The following HS3ST4 variants were observed in gnomAD, a reference collection of about 807,000 sequenced individuals.
HS3ST4 encodes heparan sulfate-glucosamine 3-sulfotransferase 4.
HS3ST4 carries 17 observed loss-of-function variants against 29.2 expected under a neutral mutation model. The observed-to-expected ratio is 0.58, with a 90% CI of 0.40 to 0.87. The LOEUF is 0.87. HS3ST4 is among the 40% of genes least tolerant of loss of function. HS3ST4 has a pLI of 0.00. For synonymous variants in HS3ST4, 314 were observed against 285.7 expected (o/e 1.10, Z -1.00); for missense variants, 627 against 634.5 (o/e 0.99, Z 0.13).
chr16:25,719,101 AC>A (rs1198234748), intron 1 of HS3ST4, among the ~76,000 whole-genome samples: 1 of 152,216 alleles, frequency 6.6e-6, no homozygotes, highest in African/African-American at 2.4e-5. Flanking sequence ...GAAAGAGTTG[AC>A]TTTTTAAAGA....
At chr16:25,841,806 A>G (rs4467081) in intron 1 of HS3ST4, among the ~76,000 whole-genome samples, 87,437 of 151,994 alleles carry the variant, frequency 0.58, 25,234 homozygotes, top group Admixed American at 0.63. Flanking sequence ...CTATTGCTTC[A>G]ATATGTTTTC....
intron 1 of HS3ST4, among the ~76,000 whole-genome samples, chr16:25,878,972 A>G (rs1967864792): frequency 6.6e-6 from 1 of 152,128 alleles, no homozygotes; most frequent in Admixed American, 6.5e-5. Context: ...TCAGGAAAAA[A>G]CAGTTTCCTA....
At chr16:25,929,981 T>G (rs539640955) in intron 1 of HS3ST4, among the ~76,000 whole-genome samples, 28 of 152,084 alleles carry the variant, frequency 1.8e-4, no homozygotes, top group Non-Finnish European at 2.9e-4. Context: ...TAGGCCCCAT[T>G]GTCTGTTATT....
At position 26,085,366 on chromosome 16, in the gene HS3ST4, G is replaced by A. The variant is rs531855513; in HGVS notation, c.735-50246G>A. Reference sequence around the variant, plus strand: ...CTATTACATACCAGGCCCTGTATAGGGATCCAGAGATCCAGCAGTATCATA... The same window carrying A: ...CTATTACATACCAGGCCCTGTATAGAGATCCAGAGATCCAGCAGTATCATA... On this transcript the variant is annotated intron_variant, in intron 1 of 1. Transcript: ENST00000331351. 3.3e-5 allele frequency among the ~76,000 whole-genome samples: 5 copies of A among 152,196 alleles called. No homozygotes were observed. The South Asian group carries it at 1.0e-3, about 32-fold the overall frequency.
chr16:25,830,745 T>C (rs1393583373), intron 1 of HS3ST4, among the ~76,000 whole-genome samples: 1 of 152,026 alleles, frequency 6.6e-6, no homozygotes, highest in Non-Finnish European at 1.5e-5. Context: ...CTGTCAGCTC[T>C]ATCCCCAATT....
At chr16:25,700,383 C>T (rs1304555131) in intron 1 of HS3ST4, among the ~76,000 whole-genome samples, 1 of 152,178 alleles carries the variant, frequency 6.6e-6, no homozygotes, top group Admixed American at 6.5e-5. Flanking sequence ...GCCTTTCGTG[C>T]TTCTGCAGAA....
chr16:25,857,958 T>G lies in HS3ST4; in HGVS notation c.734+164807T>G, dbSNP rs1159138044. On this transcript the variant is annotated intron_variant, in intron 1 of 1. Transcript: ENST00000331351. ...TTTCTTTCTTTCTTTCTTTCTTTCTTTCTTTCTTTCTTTCTCTTTTCTGTC... is the reference window on the plus strand; with the variant it reads ...TTTCTTTCTTTCTTTCTTTCTTTCTGTCTTTCTTTCTTTCTCTTTTCTGTC... Among the ~76,000 whole-genome samples, 38 of 57,760 alleles carry G rather than the reference T, an allele frequency of 6.6e-4. 2 individuals are homozygous for G. Among genetic ancestry groups the G allele is most frequent in the African/African-American group, 3.4e-3 (37 of 10,954 alleles). 37.9% of individuals were successfully genotyped at this position (57,760 alleles called of 152,430 possible). A position where few individuals can be genotyped will look rare whatever the true frequency, so the allele number is the denominator to read the frequency against.
intron 1 of HS3ST4, among the ~76,000 whole-genome samples, chr16:25,698,351 GGGAACA>G (rs1468385374): frequency 6.8e-6 from 1 of 147,100 alleles, no homozygotes; most frequent in Non-Finnish European, 1.5e-5. Flanking sequence ...TCCACTTGGA[GGGAACA>G]GCCAGTGTCA....
At chr16:25,892,774 TC>T (rs1449675184) in intron 1 of HS3ST4, among the ~76,000 whole-genome samples, 1 of 152,112 alleles carries the variant, frequency 6.6e-6, no homozygotes, top group African/African-American at 2.4e-5. Context: ...AGGGAATAAA[TC>T]TATTCCCTTC....
chr16:25,939,092 G>A (rs1233200454), intron 1 of HS3ST4, among the ~76,000 whole-genome samples: 1 of 151,990 alleles, frequency 6.6e-6, no homozygotes, highest in Non-Finnish European at 1.5e-5. Context: ...TTAATTGTTT[G>A]GCTGGTAGTT....
chr16:25,936,710 G>A (rs557987936), intron 1 of HS3ST4, among the ~76,000 whole-genome samples: 109 of 152,350 alleles, frequency 7.2e-4, no homozygotes, highest in African/African-American at 2.4e-3. Flanking sequence ...AATAAGGCTG[G>A]TCCTGGCCCT....
chr16:26,130,938 T>C (rs929653350), intron 1 of HS3ST4, among the ~76,000 whole-genome samples: 1 of 152,156 alleles, frequency 6.6e-6, no homozygotes, highest in African/African-American at 2.4e-5. Context: ...ATATTACAAG[T>C]CTGAAATTGA....
intron 1 of HS3ST4, among the ~76,000 whole-genome samples, chr16:25,962,591 G>T (rs1968806040): frequency 1.3e-5 from 2 of 152,202 alleles, no homozygotes; most frequent in Admixed American, 6.5e-5. Context: ...CATTTTTCCG[G>T]GGTGGCTCTC....
At chr16:26,086,209 G>C (rs62034544) in intron 1 of HS3ST4, among the ~76,000 whole-genome samples, 1,865 of 151,944 alleles carry the variant, frequency 0.012, 13 homozygotes, top group Middle Eastern at 0.031. Flanking sequence ...TAGCCCTCTT[G>C]TTCTTTTTTA....
intron 1 of HS3ST4, among the ~76,000 whole-genome samples, chr16:26,008,002 G>A (rs963973746): frequency 6.6e-6 from 1 of 151,820 alleles, no homozygotes; most frequent in Non-Finnish European, 1.5e-5. Flanking sequence ...CTAGGTTCTA[G>A]TATAAGGGAG....
At chr16:25,770,230 C>T (rs933294743) in intron 1 of HS3ST4, among the ~76,000 whole-genome samples, 1 of 152,188 alleles carries the variant, frequency 6.6e-6, no homozygotes, top group South Asian at 2.1e-4. Context: ...AGTTCCTGCT[C>T]CTCCACTATG....
chr16:26,013,649 C>T (rs1317171862), intron 1 of HS3ST4, among the ~76,000 whole-genome samples: 1 of 152,154 alleles, frequency 6.6e-6, no homozygotes, highest in Non-Finnish European at 1.5e-5. Context: ...CGAAAGTGTT[C>T]TCACCTCAGG....
intron 1 of HS3ST4, among the ~76,000 whole-genome samples, chr16:25,941,588 C>G (rs1968572609): frequency 6.6e-6 from 1 of 151,470 alleles, no homozygotes; most frequent in Non-Finnish European, 1.5e-5. Flanking sequence ...GTTTTTCTTT[C>G]TGTTTTGAGA....
chr16:26,098,716 C>G (rs961340845), intron 1 of HS3ST4, among the ~76,000 whole-genome samples: 2 of 151,474 alleles, frequency 1.3e-5, no homozygotes, highest in African/African-American at 4.9e-5. Flanking sequence ...ACATGTACCC[C>G]AGAACTTAAA....
Sources: gnomAD v4.1 joint callset for allele counts (sites outside exome capture counted in the v4.1 genomes callset) on GRCh38, gnomAD v4.1.1 for gene constraint, MANE v1.5 for transcripts, NCBI Gene and HGNC (gene_info 2026-07-23, HGNC 2026-07-21) for gene names.